Variants in ARHGAP42 observed in about 807,000 individuals in gnomAD.
ARHGAP42 encodes rho GTPase-activating protein 42.
A neutral mutation model predicts 125.0 loss-of-function variants in ARHGAP42; 63 were observed. That is an observed-to-expected ratio of 0.50 (90% CI 0.41 to 0.62). The LOEUF (loss-of-function observed/expected upper bound fraction) is 0.62, where lower values mean the gene tolerates loss of function less well. Ranked by LOEUF, ARHGAP42 falls within the 20% of genes least tolerant of loss-of-function variation. ARHGAP42 has a pLI of 0.00. For missense variants in ARHGAP42, 766 were observed against 1,024.2 expected (o/e 0.75, Z 3.44); for synonymous variants, 339 against 351.0 (o/e 0.97, Z 0.38).
intron 3 of ARHGAP42, among the ~76,000 whole-genome samples, chr11:100,805,224 T>C (rs1863961743): frequency 6.6e-6 from 1 of 152,206 alleles, no homozygotes; most frequent in Non-Finnish European, 1.5e-5. Flanking sequence ...TTTGAACCCA[T>C]GCTGTGGGGA....
chr11:100,992,154 G>A lies in ARHGAP42; in HGVS notation c.*3353G>A. 1 of 786,070 alleles carries A rather than the reference G, an allele frequency of 1.3e-6. No individual in the cohort carries two copies. Among genetic ancestry groups the A allele is most frequent in the Non-Finnish European group, 2.0e-6 (1 of 509,626 alleles). 48.7% of individuals were successfully genotyped at this position (786,070 alleles called of 1,614,324 possible). On this transcript the variant is annotated 3_prime_UTR_variant, in exon 24 of 24. Transcript: ENST00000298815. ...GCTTTGCCTCAAGCAATTTCAAATT[G>A]TAGTGATACCTTAAATCATGTATTC...
In ARHGAP42 at chr11:100,809,661, A is replaced by G. The variant is rs1864089277; in HGVS notation, c.312+14495A>G. ...GGCCTCTAGTCTGTTCAGTAATATG[A>G]AACCAGAGGCAGGCTGGGTGTGCTG... On this transcript the variant is annotated intron_variant, in intron 3 of 23. Transcript: ENST00000298815. 1.3e-5 allele frequency among the ~76,000 whole-genome samples: 2 copies of G among 152,232 alleles called. 1 individual carries two copies. The highest frequency in any genetic ancestry group is 2.9e-5 in the Non-Finnish European group (2 of 68,046).
Position 100,976,217 on chromosome 11 carries a change from T to C in ARHGAP42, c.2016T>C (p.Asn672=). The C allele has an allele frequency of 1.3e-6, 2 of 1,551,668 alleles. No homozygotes were observed. The highest frequency in any genetic ancestry group is 8.7e-7 in the Non-Finnish European group (1 of 1,146,902). ...IPWIATPSSS[N]GQKSLGLWTT... is the part of the protein sequence containing the mutation. The stretch of plus-strand genomic sequence containing the variant: ...GGATTGCAACCCCATCATCTTCCAA[T>C]GGACAGAAAAGCCTTGGTCTGTGGA... Residue 672 remains asparagine (N), a synonymous_variant, in exon 20 of 24, where the codon AAT becomes AAC. Transcript: ENST00000298815.
At chr11:100,751,660 A>G (rs4337001) in intron 1 of ARHGAP42, among the ~76,000 whole-genome samples, 38,341 of 151,484 alleles carry the variant, frequency 0.25, 5,085 homozygotes, top group Non-Finnish European at 0.29. Context: ...CTGAGGTCTT[A>G]ACACAGGCAA....
At chr11:100,871,533 G>A (rs1479526630) in intron 4 of ARHGAP42, among the ~76,000 whole-genome samples, 1 of 137,048 alleles carries the variant, frequency 7.3e-6, no homozygotes, top group Non-Finnish European at 1.5e-5. Context: ...GTGACGGAGG[G>A]AGACTGTTTC....
At chr11:100,982,049 CT>C (rs1262177670) in intron 22 of ARHGAP42, among the ~76,000 whole-genome samples, 1 of 152,130 alleles carries the variant, frequency 6.6e-6, no homozygotes, top group Non-Finnish European at 1.5e-5. Context: ...AGCAATTACT[CT>C]GTATAGGTGA....
chr11:100,759,005 G>T (rs1056123387), intron 1 of ARHGAP42, among the ~76,000 whole-genome samples: 14 of 151,920 alleles, frequency 9.2e-5, no homozygotes, highest in Admixed American at 2.0e-4. Context: ...GTGTTTTTTT[G>T]TTTGTTTGTT....
chr11:100,916,711 T>C (rs527270695), intron 5 of ARHGAP42, among the ~76,000 whole-genome samples: 3 of 152,252 alleles, frequency 2.0e-5, no homozygotes, highest in South Asian at 4.1e-4. Flanking sequence ...GTTGAGACGA[T>C]TTCTCTTGGT....
chr11:100,894,708 A>G (rs1329548036), intron 4 of ARHGAP42, among the ~76,000 whole-genome samples: 2 of 152,168 alleles, frequency 1.3e-5, no homozygotes, highest in African/African-American at 2.4e-5. Context: ...TTCCTTCCTT[A>G]TAGCCTTTCA....
intron 17 of ARHGAP42, among the ~76,000 whole-genome samples, chr11:100,968,599 C>G (rs1858159339): frequency 6.6e-6 from 1 of 152,074 alleles, no homozygotes; most frequent in African/African-American, 2.4e-5. Flanking sequence ...TTTAATGCTT[C>G]TTAATGAAGT....
intron 4 of ARHGAP42, among the ~76,000 whole-genome samples, chr11:100,894,434 A>G (rs962622986): frequency 2.0e-5 from 3 of 152,248 alleles, no homozygotes; most frequent in Non-Finnish European, 2.9e-5. Flanking sequence ...GAAGGATAAC[A>G]AAATGTCAGC....
intron 1 of ARHGAP42, among the ~76,000 whole-genome samples, chr11:100,767,441 G>A (rs1719826592): frequency 1.3e-5 from 2 of 152,154 alleles, no homozygotes; most frequent in African/African-American, 4.8e-5. Context: ...GGGCCACTGT[G>A]TTCTTGTTTG....
At chr11:100,799,528 T>C (rs1406861579) in intron 3 of ARHGAP42, among the ~76,000 whole-genome samples, 1 of 152,182 alleles carries the variant, frequency 6.6e-6, no homozygotes, top group Non-Finnish European at 1.5e-5. Context: ...TTGGGTAGTA[T>C]GTGCACTTGT....
chr11:100,850,602 AAG>A (rs952698018), intron 3 of ARHGAP42, among the ~76,000 whole-genome samples: 25 of 152,340 alleles, frequency 1.6e-4, no homozygotes, highest in Admixed American at 1.6e-3. Flanking sequence ...AATAGTGGTA[AAG>A]AGTGCTAACT....
intron 4 of ARHGAP42, among the ~76,000 whole-genome samples, chr11:100,882,524 G>A (rs541336265): frequency 2.5e-4 from 38 of 149,592 alleles, no homozygotes; most frequent in African/African-American, 7.4e-4. Flanking sequence ...AACAATTTTC[G>A]TATCTATATT....
intron 2 of ARHGAP42, among the ~76,000 whole-genome samples, chr11:100,778,149 G>A (rs1000535146): frequency 6.6e-5 from 10 of 151,912 alleles, no homozygotes; most frequent in Non-Finnish European, 1.2e-4. Flanking sequence ...CTGCAGCCTG[G>A]GTAACATGTT....
chr11:100,785,108 A>G (rs1863402384), intron 2 of ARHGAP42, among the ~76,000 whole-genome samples: 1 of 152,114 alleles, frequency 6.6e-6, no homozygotes, highest in Non-Finnish European at 1.5e-5. Flanking sequence ...GTGAAGAGGG[A>G]GGAGTGATGA....
chr11:100,735,602 CTTTTTTTTTT>C (rs58522622), intron 1 of ARHGAP42, among the ~76,000 whole-genome samples: 44 of 73,052 alleles, frequency 6.0e-4, no homozygotes, highest in Non-Finnish European at 6.2e-4. Flanking sequence ...TTTACTTGTA[CTTTTTTTTTT>C]TTTTTTTTTT....
intron 3 of ARHGAP42, among the ~76,000 whole-genome samples, chr11:100,829,501 G>A (rs1309772286): frequency 6.6e-6 from 1 of 152,146 alleles, no homozygotes; most frequent in Non-Finnish European, 1.5e-5. Flanking sequence ...GCTGACCAGG[G>A]CATGCAAAGA....
Sources: gnomAD v4.1 joint callset for allele counts (sites outside exome capture counted in the v4.1 genomes callset) on GRCh38, gnomAD v4.1.1 for gene constraint, MANE v1.5 for transcripts, NCBI Gene and HGNC (gene_info 2026-07-23, HGNC 2026-07-21) for gene names.